Variants in R3HDM2 observed in about 807,000 individuals in gnomAD.
R3HDM2 encodes the protein R3H domain-containing protein 2.
In R3HDM2, 38 loss-of-function variants were observed where a neutral mutation model predicts 124.5. The observed-to-expected ratio is 0.31, with a 90% CI of 0.24 to 0.40. R3HDM2 has a LOEUF of 0.40. R3HDM2 is among the 10% of genes least tolerant of loss of function. R3HDM2 has a pLI of 1.00. For synonymous variants in R3HDM2, 391 were observed against 448.0 expected (o/e 0.87, Z 1.61); for missense variants, 869 against 1,236.9 (o/e 0.70, Z 4.46).
chr12:57,394,494 C>T (rs1292103152), intron 2 of R3HDM2, among the ~76,000 whole-genome samples: 15 of 152,170 alleles, frequency 9.9e-5, no homozygotes, highest in Middle Eastern at 3.4e-3. Context: ...ATCACTTGAA[C>T]CCGGGAGGCG....
intron 2 of R3HDM2, among the ~76,000 whole-genome samples, chr12:57,395,245 G>A (rs193281113): frequency 6.6e-6 from 1 of 152,118 alleles, no homozygotes; most frequent in African/African-American, 2.4e-5. Context: ...GGTGGCTCAC[G>A]CCTGTAATCC....
At chr12:57,316,602 T>C (rs2055080823) in intron 2 of R3HDM2, among the ~76,000 whole-genome samples, 2 of 149,492 alleles carry the variant, frequency 1.3e-5, no homozygotes, top group South Asian at 4.3e-4. Flanking sequence ...TTTTTTTTTT[T>C]TGAGATGGAG....
intron 2 of R3HDM2, among the ~76,000 whole-genome samples, chr12:57,319,194 T>G (rs890768780): frequency 1.3e-5 from 2 of 151,832 alleles, no homozygotes; most frequent in African/African-American, 2.4e-5. Context: ...TCAAGCAATT[T>G]CCGGCTAATT....
rs557366498 is a variant in R3HDM2 at position 57,395,829 on chromosome 12, A to T, written c.-105-11T>A. The T allele has an allele frequency of 1.7e-5, 17 of 975,286 alleles. No individual in the cohort carries two copies. In the African/African-American group the frequency reaches 2.5e-4, roughly 14 times the overall value. The allele number at this position is 975,286 out of a possible 1,614,324, so 60.4% of individuals were successfully genotyped here. The stretch of plus-strand genomic sequence containing the variant: ...AAACAAGTCTAACCTCTGGGGGAGG[A>T]GGGGGAAAAAAAAAAACAAGTTAAA... On this transcript the variant is annotated splice_polypyrimidine_tract_variant and intron_variant, in intron 1 of 23. Coordinates refer to ENST00000402412, the MANE Select transcript of R3HDM2 (RefSeq NM_001394031.1).
At chr12:57,373,245 A>C (rs2063590119) in intron 2 of R3HDM2, among the ~76,000 whole-genome samples, 1 of 152,180 alleles carries the variant, frequency 6.6e-6, no homozygotes, top group African/African-American at 2.4e-5. Context: ...TCACGCCTGT[A>C]ATCTCAGCAC....
In R3HDM2 at chr12:57,255,063, T is replaced by A; in HGVS notation, c.2683A>T (p.Thr895Ser). 6.2e-7 allele frequency: 1 copy of A among 1,611,898 alleles called. No homozygotes were observed. Among genetic ancestry groups the A allele is most frequent in the South Asian group, 1.1e-5 (1 of 90,728 alleles). ...TGCGTGAAGAGTTTGTCCGCCTCAG[T>A]ACGGGTGATGCCCTCAGGGAGATCT... The part of the protein sequence containing the change: ...VTDLPEGITR[T>S]EADKLFTQLA... The change falls in exon 24 of 24, where the codon ACT becomes TCT. Residue 895 changes from threonine (T) to serine (S), a missense_variant. Around this residue, in one of 2 missense-constraint regions of R3HDM2, gnomAD observed 602 missense variants for 789.2 expected, o/e 0.76. Coordinates refer to ENST00000402412, the MANE Select transcript of R3HDM2 (RefSeq NM_001394031.1).
rs1350014797 is a variant in R3HDM2 at position 57,310,322 on chromosome 12, G to A, written c.107C>T (p.Pro36Leu). 3 of 1,546,978 alleles carry A rather than the reference G, an allele frequency of 1.9e-6. No individual in the cohort carries two copies. The highest frequency in any genetic ancestry group is 2.5e-5 in the East Asian group (1 of 40,778). The change falls in exon 3 of 24, where the codon CCA (proline) becomes CTA (leucine). Residue 36 changes from proline (P) to leucine (L), a missense_variant. Around this residue, in one of 2 missense-constraint regions of R3HDM2, gnomAD observed 267 missense variants for 447.7 expected, o/e 0.60. Coordinates refer to ENST00000402412, the MANE Select transcript of R3HDM2 (RefSeq NM_001394031.1). ...TTCTTTCTCAATTTCTTCCTTACTTGGAGTCTTAGATATAAACTTGTTTTT... is the reference window on the plus strand; with the variant it reads ...TTCTTTCTCAATTTCTTCCTTACTTAGAGTCTTAGATATAAACTTGTTTTT... The part of the protein sequence containing the change: ...VNKNKFISKT[P>L]SKEEIEKECE...
intron 1 of R3HDM2, among the ~76,000 whole-genome samples, chr12:57,406,627 T>G (rs2068549587): frequency 6.6e-6 from 1 of 152,146 alleles, no homozygotes; most frequent in Non-Finnish European, 1.5e-5. Context: ...ATTTATAATC[T>G]CTAATGAAGT....
intron 1 of R3HDM2, among the ~76,000 whole-genome samples, chr12:57,424,522 C>T (rs142277482): frequency 6.6e-6 from 1 of 152,030 alleles, no homozygotes; most frequent in Non-Finnish European, 1.5e-5. Flanking sequence ...TACTTTCCTC[C>T]TAGTCTTCTG....
At chr12:57,284,686 G>A (rs887944289) in intron 12 of R3HDM2, among the ~76,000 whole-genome samples, 2 of 152,204 alleles carry the variant, frequency 1.3e-5, no homozygotes, top group African/African-American at 2.4e-5. Flanking sequence ...TACTGTCTGC[G>A]AACAATTGGT....
chr12:57,272,809 C>T (rs1244846306), intron 14 of R3HDM2, among the ~76,000 whole-genome samples: 1 of 152,222 alleles, frequency 6.6e-6, no homozygotes, highest in Non-Finnish European at 1.5e-5. Flanking sequence ...ACCTGCTGCA[C>T]TCCCTTCCCC....
intron 2 of R3HDM2, among the ~76,000 whole-genome samples, chr12:57,387,955 A>C (rs1055866133): frequency 6.6e-5 from 5 of 75,986 alleles, no homozygotes; most frequent in Non-Finnish European, 1.1e-4. Context: ...GCCTCAAGAC[A>C]GACAAAAAAA....
chr12:57,269,138 C>CT lies in R3HDM2; in HGVS notation c.1715-57dup, dbSNP rs1024312749. The stretch of plus-strand genomic sequence containing the variant: ...GTATGAATGTTTAGGAGGTCACACT[C>CT]TATCTGTAATTTCCTTCTCCATTCT... On this transcript the variant is annotated intron_variant, in intron 16 of 23. Coordinates refer to ENST00000402412, the MANE Select transcript of R3HDM2 (RefSeq NM_001394031.1). 6.3e-6 allele frequency: 10 copies of CT among 1,592,710 alleles called. No individual in the cohort carries two copies. In the Admixed American group the frequency reaches 1.7e-4, roughly 27 times the overall value.
intron 1 of R3HDM2, among the ~76,000 whole-genome samples, chr12:57,423,950 A>G (rs1288011532): frequency 1.3e-5 from 2 of 150,370 alleles, no homozygotes; most frequent in African/African-American, 4.9e-5. Flanking sequence ...ACCCATCTCT[A>G]CTAAAAATAC....
At chr12:57,256,286 G>A in intron 22 of R3HDM2, 128 bp downstream of exon 22, 1 of 934,872 alleles carries the variant, frequency 1.1e-6, no homozygotes, top group Non-Finnish European at 1.6e-6. Flanking sequence ...TAGGAGGTAG[G>A]GCAAGGCTCC....
At chr12:57,317,836 C>T (rs769333783) in intron 2 of R3HDM2, among the ~76,000 whole-genome samples, 4 of 150,854 alleles carry the variant, frequency 2.7e-5, no homozygotes, top group Admixed American at 6.6e-5. Context: ...AATTACTAGC[C>T]GGGTGTGGTG....
chr12:57,292,525 T>A, intron 11 of R3HDM2, 47 bp downstream of exon 11: 1 of 1,303,472 alleles, frequency 7.7e-7, no homozygotes. Flanking sequence ...TTCCAATGAT[T>A]AAGAGCTAAA....
At chr12:57,286,793 G>C (rs2047446015) in intron 12 of R3HDM2, among the ~76,000 whole-genome samples, 1 of 152,108 alleles carries the variant, frequency 6.6e-6, no homozygotes, top group Non-Finnish European at 1.5e-5. Flanking sequence ...CAGGAGAATT[G>C]CTTGAACCTG....
intron 1 of R3HDM2, among the ~76,000 whole-genome samples, chr12:57,421,625 G>A (rs1189910328): frequency 1.3e-5 from 2 of 151,898 alleles, no homozygotes; most frequent in East Asian, 3.9e-4. Context: ...TCCCACCTCA[G>A]CCTCCCAAAT....
Sources: gnomAD v4.1 joint callset for allele counts (sites outside exome capture counted in the v4.1 genomes callset) on GRCh38, gnomAD v4.1.1 for gene constraint, gnomAD v4.1.1 regional missense constraint, MANE v1.5 for transcripts, NCBI Gene and HGNC (gene_info 2026-07-23, HGNC 2026-07-21) for gene names.